Variants in OSBPL10 observed in about 807,000 individuals in gnomAD.
OSBPL10 encodes oxysterol binding protein like 10.
A neutral mutation model predicts 81.7 loss-of-function variants in OSBPL10; 49 were observed. The ratio of observed to expected loss-of-function variants is 0.60; its 90% CI spans 0.48 to 0.76. The LOEUF is 0.76. Ranked by LOEUF, OSBPL10 falls within the 30% of genes least tolerant of loss-of-function variation. The pLI, the probability that OSBPL10 is intolerant of heterozygous loss-of-function variation, is 0.00. For synonymous variants in OSBPL10, 419 were observed against 383.6 expected, an observed-to-expected ratio of 1.09 and a Z score of -1.08; for missense variants, 923 against 987.8, an observed-to-expected ratio of 0.93 and a Z score of 0.88.
chr3:31,950,698 C>T (rs1218752594), intron 1 of OSBPL10, among the ~76,000 whole-genome samples: 1 of 152,148 alleles, frequency 6.6e-6, no homozygotes, highest in Non-Finnish European at 1.5e-5. Flanking sequence ...GGGCAGATCC[C>T]TCACAAATGG....
intron 3 of OSBPL10, among the ~76,000 whole-genome samples, chr3:31,833,613 G>T (rs1700297741): frequency 6.6e-6 from 1 of 151,654 alleles, no homozygotes; most frequent in South Asian, 2.1e-4. Context: ...TTTCTACAAG[G>T]TCAGACTGGT....
chr3:31,988,965 T>G, intron 2 of OSBPL10: 1 of 1,414,070 alleles, frequency 7.1e-7, no homozygotes, highest in Non-Finnish European at 9.6e-7. Context: ...GTTTGTTGCC[T>G]TAAGCCACGA....
chr3:31,789,614 C>G (rs906258463), intron 4 of OSBPL10, among the ~76,000 whole-genome samples: 1 of 152,102 alleles, frequency 6.6e-6, no homozygotes, highest in African/African-American at 2.4e-5. Flanking sequence ...GGGGCACTGC[C>G]TCAAGAAAGA....
Position 31,879,643 on chromosome 3 carries a change from A to G in OSBPL10, c.457+12T>C, listed in dbSNP as rs1701568357. The G allele has an allele frequency of 6.2e-7, 1 of 1,600,838 alleles. No homozygotes were observed. The highest frequency in any genetic ancestry group is 1.8e-5 in the Admixed American group (1 of 56,518). On this transcript the variant is annotated intron_variant, in intron 2 of 11. Coordinates refer to ENST00000396556, the MANE Select transcript of OSBPL10 (RefSeq NM_017784.5). The stretch of plus-strand genomic sequence containing the variant: ...GAGGCCTGTCTGAAAAGTTACTGGG[A>G]GAAGAACGCACCTCTCAGTTTAAAC...
chr3:31,720,531 A>C (rs1023950173), intron 6 of OSBPL10, among the ~76,000 whole-genome samples: 6 of 152,208 alleles, frequency 3.9e-5, no homozygotes, highest in African/African-American at 1.4e-4. Flanking sequence ...GGTTGAGCCT[A>C]GTTTTATCTC....
In OSBPL10 at chr3:32,030,697, A is replaced by G. The variant is rs548418224; in HGVS notation, n.298+15794T>C. The stretch of plus-strand genomic sequence containing the variant: ...GGCATAATAGGTGTTAAAAAAAATA[A>G]AAGACCTCTGGACTGTAAAAATAAA... On this transcript the variant is annotated intron_variant and non_coding_transcript_variant, in intron 2 of 3. Transcript: ENST00000479173. 9.6e-4 allele frequency: 793 copies of G among 829,904 alleles called. 2 individuals carry two copies. Among genetic ancestry groups the G allele is most frequent in the Non-Finnish European group, 1.4e-3 (652 of 473,878 alleles). The allele number at this position is 829,904 out of a possible 1,614,324, so 51.4% of individuals were successfully genotyped here. A position where few individuals can be genotyped will look rare whatever the true frequency, so the allele number is the denominator to read the frequency against.
chr3:31,764,628 T>G (rs1347337654), intron 4 of OSBPL10, among the ~76,000 whole-genome samples: 1 of 152,212 alleles, frequency 6.6e-6, no homozygotes, highest in African/African-American at 2.4e-5. Context: ...TTGTTACTAC[T>G]TTCACTCAAG....
intron 8 of OSBPL10, among the ~76,000 whole-genome samples, chr3:31,677,807 C>T (rs995012691): frequency 2.7e-5 from 4 of 149,976 alleles, no homozygotes; most frequent in South Asian, 2.1e-4. Flanking sequence ...AAAGGCCGGG[C>T]GCGGTGGCTC....
chr3:31,676,854 G>A (rs1700489918), intron 8 of OSBPL10, among the ~76,000 whole-genome samples: 1 of 152,208 alleles, frequency 6.6e-6, no homozygotes, highest in African/African-American at 2.4e-5. Flanking sequence ...CTTTCCCGTG[G>A]ACAGAGGTCT....
chr3:31,895,661 T>G (rs1696033900), intron 1 of OSBPL10, among the ~76,000 whole-genome samples: 1 of 152,164 alleles, frequency 6.6e-6, no homozygotes, highest in Non-Finnish European at 1.5e-5. Context: ...ACTCTTCCTG[T>G]GCCAATGTGA....
At chr3:32,017,641 C>A (rs1000227279) in intron 2 of OSBPL10, among the ~76,000 whole-genome samples, 126 of 152,202 alleles carry the variant, frequency 8.3e-4, no homozygotes, top group African/African-American at 2.9e-3. Flanking sequence ...GGAAAGTACA[C>A]TAAACTGGAA....
chr3:32,072,628 C>T (rs1460409930), intron 1 of OSBPL10, among the ~76,000 whole-genome samples: 1 of 152,206 alleles, frequency 6.6e-6, no homozygotes, highest in Non-Finnish European at 1.5e-5. Context: ...GAAATCACTT[C>T]TCAGTGTTCC....
At chr3:31,933,839 CATT>C (rs1697313728) in intron 1 of OSBPL10, among the ~76,000 whole-genome samples, 1 of 152,078 alleles carries the variant, frequency 6.6e-6, no homozygotes. Flanking sequence ...CAAGCTTTTA[CATT>C]AAGAGACTCT....
At chr3:31,744,246 A>G (rs1051253850) in intron 5 of OSBPL10, among the ~76,000 whole-genome samples, 2 of 152,202 alleles carry the variant, frequency 1.3e-5, no homozygotes, top group African/African-American at 4.8e-5. Context: ...GTCCAAAAGA[A>G]GGAGAGTGAG....
At chr3:31,810,202 TA>T (rs35570002) in intron 4 of OSBPL10, among the ~76,000 whole-genome samples, 2 of 152,008 alleles carry the variant, frequency 1.3e-5, no homozygotes, top group African/African-American at 2.4e-5. Context: ...ATTTCTTATT[TA>T]AAAAAAGTCA....
intron 4 of OSBPL10, among the ~76,000 whole-genome samples, chr3:31,776,681 A>C (rs1423610320): frequency 1.3e-5 from 2 of 152,250 alleles, no homozygotes; most frequent in Admixed American, 6.5e-5. Flanking sequence ...TTGTAAGTGA[A>C]AGGAGACATA....
rs139027416 is a variant in OSBPL10 at position 31,888,548 on chromosome 3, A to T, written c.282-8718T>A. On this transcript the variant is annotated intron_variant, in intron 1 of 11. Coordinates refer to ENST00000396556, the MANE Select transcript of OSBPL10 (RefSeq NM_017784.5). ...GAAAAGACAATCTACAGAATGGGGGAAAATATTTGCAAACTATTCATCTAA... is the reference window on the plus strand; with the variant it reads ...GAAAAGACAATCTACAGAATGGGGGTAAATATTTGCAAACTATTCATCTAA... Among the ~76,000 whole-genome samples, 509 of 152,364 alleles carry T rather than the reference A, an allele frequency of 3.3e-3. 3 individuals carry two copies. The highest frequency in any genetic ancestry group is 0.012 in the African/African-American group (491 of 41,590).
chr3:31,864,248 GT>G (rs1192380174), intron 3 of OSBPL10, among the ~76,000 whole-genome samples: 2 of 152,226 alleles, frequency 1.3e-5, no homozygotes, highest in South Asian at 4.1e-4. Context: ...TCTGTTTCTT[GT>G]TTTTTGAGAT....
chr3:31,999,353 C>T (rs1229929088), intron 2 of OSBPL10, among the ~76,000 whole-genome samples: 1 of 139,616 alleles, frequency 7.2e-6, no homozygotes, highest in African/African-American at 2.7e-5. Flanking sequence ...ATAAAAATAT[C>T]AAAATCTTTT....
Sources: gnomAD v4.1 joint callset for allele counts (sites outside exome capture counted in the v4.1 genomes callset) on GRCh38, gnomAD v4.1.1 for gene constraint, MANE v1.5 for transcripts, NCBI Gene and HGNC (gene_info 2026-07-23, HGNC 2026-07-21) for gene names.